CYTIP: variants seen among roughly 807,000 people sequenced by gnomAD.
The protein encoded by CYTIP is cytohesin-interacting protein.
Under a neutral mutation model 43.8 loss-of-function variants are expected in CYTIP, and 26 were observed. The observed-to-expected ratio is 0.59, with a 90% CI of 0.44 to 0.82. The LOEUF is 0.82. CYTIP is among the 40% of genes least tolerant of loss of function. The pLI is 0.00. For missense variants in CYTIP, 426 were observed against 443.1 expected (o/e 0.96, Z 0.35); for synonymous variants, 162 against 162.9 (o/e 0.99, Z 0.04).
At chr2:157,427,736 GT>G (rs1206239819) in intron 5 of CYTIP, among the ~76,000 whole-genome samples, 2 of 152,214 alleles carry the variant, frequency 1.3e-5, no homozygotes, top group African/African-American at 4.8e-5. Flanking sequence ...ACTAGAATCT[GT>G]TCTTGTGGGG....
At chr2:157,436,502 A>G (rs1018467495) in intron 1 of CYTIP, among the ~76,000 whole-genome samples, 9 of 152,156 alleles carry the variant, frequency 5.9e-5, no homozygotes, top group Non-Finnish European at 7.4e-5. Flanking sequence ...TTATACCTCT[A>G]TAAATAAGGG....
chr2:157,427,508 T>C, intron 5 of CYTIP, 88 bp from the exon 6 acceptor site: 4 of 940,754 alleles, frequency 4.3e-6, no homozygotes, highest in Non-Finnish European at 4.7e-6. Context: ...TACAGAGTAC[T>C]ACACTTTGAG....
intron 6 of CYTIP, among the ~76,000 whole-genome samples, chr2:157,420,358 A>G (rs1222433761): frequency 6.6e-6 from 1 of 152,126 alleles, no homozygotes; most frequent in Admixed American, 6.6e-5. Context: ...TCTACTAAAA[A>G]TACAAAAATT....
chr2:157,443,350 AT>A (rs1685945734), intron 1 of CYTIP, among the ~76,000 whole-genome samples: 1 of 152,266 alleles, frequency 6.6e-6, no homozygotes, highest in Middle Eastern at 3.4e-3. Flanking sequence ...AAAAAAAAAA[AT>A]CTTACTTTCC....
chr2:157,434,839 TCTCTCTCTCTCACA>T lies in CYTIP; in HGVS notation c.175-106_175-93del, dbSNP rs1218125526. Reference sequence around the variant, plus strand: ...CTCTCTCTCTCTCTCTCTCTCTCTCTCTCTCTCTCTCACACACACACACACACACACACACACAC... The same window carrying T: ...CTCTCTCTCTCTCTCTCTCTCTCTCTCACACACACACACACACACACACAC... On this transcript the variant is annotated intron_variant, in intron 1 of 7. Coordinates refer to ENST00000264192, the MANE Select transcript of CYTIP (RefSeq NM_004288.5). 92 of 470,950 alleles carry T rather than the reference TCTCTCTCTCTCACA, an allele frequency of 2.0e-4. No homozygotes were observed. In the African/African-American group the frequency reaches 2.0e-3, roughly 10 times the overall value. The allele number at this position is 470,950 out of a possible 1,614,324, so 29.2% of individuals were successfully genotyped here. A position where few individuals can be genotyped will look rare whatever the true frequency, so the allele number is the denominator to read the frequency against.
chr2:157,426,129 T>C (rs1685603559), intron 6 of CYTIP, among the ~76,000 whole-genome samples: 1 of 151,938 alleles, frequency 6.6e-6, no homozygotes, highest in Admixed American at 6.6e-5. Context: ...ATTAAAAGAT[T>C]AATATAGCAA....
intron 6 of CYTIP, 83 bp from the exon 7 acceptor site, chr2:157,418,672 A>T: frequency 7.7e-7 from 1 of 1,292,378 alleles, no homozygotes; most frequent in Non-Finnish European, 1.1e-6. Context: ...AGGTGTTGAG[A>T]TTTGTCATTA....
At position 157,422,442 on chromosome 2, in the gene CYTIP, C is replaced by T. The variant is rs559721791; in HGVS notation, c.547-3853G>A. Among the ~76,000 whole-genome samples, 6 of 152,102 alleles carry T rather than the reference C, an allele frequency of 3.9e-5. No homozygotes were observed. The East Asian group carries it at 9.6e-4, about 24-fold the overall frequency. On this transcript the variant is annotated intron_variant, in intron 6 of 7. Transcript: ENST00000264192. ...CAGCACTTTGGGAGGCCTAAGCGAGCGGATCACCTGAGGGCAGGAGTTCGC... is the reference window on the plus strand; with the variant it reads ...CAGCACTTTGGGAGGCCTAAGCGAGTGGATCACCTGAGGGCAGGAGTTCGC...
At chr2:157,420,968 A>C (rs1432303909) in intron 6 of CYTIP, among the ~76,000 whole-genome samples, 2 of 152,224 alleles carry the variant, frequency 1.3e-5, no homozygotes, top group Non-Finnish European at 2.9e-5. Flanking sequence ...ATATACAGTC[A>C]ATTTTTGGAA....
At chr2:157,420,759 G>C (rs1272720524) in intron 6 of CYTIP, among the ~76,000 whole-genome samples, 1 of 151,432 alleles carries the variant, frequency 6.6e-6, no homozygotes, top group African/African-American at 2.4e-5. Flanking sequence ...GACGTAGGGA[G>C]TATAAGGCTA....
chr2:157,443,028 G>A (rs1034652042), intron 1 of CYTIP, among the ~76,000 whole-genome samples: 5 of 152,046 alleles, frequency 3.3e-5, no homozygotes, highest in South Asian at 2.1e-4. Flanking sequence ...ATTGAAGAAC[G>A]AAAAAATCAA....
At chr2:157,438,617 C>T (rs142481298) in intron 1 of CYTIP, among the ~76,000 whole-genome samples, 9 of 152,026 alleles carry the variant, frequency 5.9e-5, no homozygotes, top group Middle Eastern at 3.4e-3. Context: ...GTACATTCCA[C>T]GTATCAAAAC....
At chr2:157,441,014 G>A (rs1685898951) in intron 1 of CYTIP, among the ~76,000 whole-genome samples, 1 of 152,008 alleles carries the variant, frequency 6.6e-6, no homozygotes, top group African/African-American at 2.4e-5. Flanking sequence ...ATCAGTACAG[G>A]TAGTGAGATA....
chr2:157,423,189 A>G (rs1326465487), intron 6 of CYTIP, among the ~76,000 whole-genome samples: 2 of 152,166 alleles, frequency 1.3e-5, no homozygotes, highest in East Asian at 1.9e-4. Flanking sequence ...CCGTAGATCA[A>G]TAAGGACAAA....
At position 157,434,762 on chromosome 2, in the gene CYTIP, A is replaced by C. The variant is rs780886578; in HGVS notation, c.175-15T>G. The C allele has an allele frequency of 2.4e-5, 38 of 1,607,578 alleles. No homozygotes were observed. Among genetic ancestry groups the C allele is most frequent in the Non-Finnish European group, 3.1e-5 (36 of 1,175,756 alleles). On this transcript the variant is annotated splice_polypyrimidine_tract_variant and intron_variant, in intron 1 of 7. Transcript: ENST00000264192. ...GTCAAAGCAAGCTGAAAAACACAAA[A>C]GACATATAGTTATCCCAGGGTCTTC...
At chr2:157,434,614 A>AGG (rs1447213958) in intron 2 of CYTIP, 84 bp downstream of exon 2, 85 of 1,003,978 alleles carry the variant, frequency 8.5e-5, no homozygotes, top group Non-Finnish European at 1.3e-4. Context: ...AGAGAGAGAG[A>AGG]GAGGAAGAGA....
chr2:157,436,853 T>A (rs962367810), intron 1 of CYTIP, among the ~76,000 whole-genome samples: 8 of 152,164 alleles, frequency 5.3e-5, no homozygotes, highest in African/African-American at 1.9e-4. Context: ...TCAGGAGAAA[T>A]ATGTAAAGAT....
At chr2:157,434,328 A>G (rs1317996665) in intron 3 of CYTIP, 42 bp downstream of exon 3, 1 of 1,506,182 alleles carries the variant, frequency 6.6e-7, no homozygotes, top group South Asian at 1.1e-5. Context: ...TACCGGTGCC[A>G]CTTTCTTCCT....
intron 1 of CYTIP, among the ~76,000 whole-genome samples, chr2:157,440,295 C>T (rs1383137926): frequency 2.0e-5 from 3 of 152,124 alleles, no homozygotes; most frequent in Non-Finnish European, 4.4e-5. Flanking sequence ...AATAATGGAG[C>T]TGAACTTAAT....
Sources: allele counts gnomAD v4.1 joint callset (sites outside exome capture counted in the v4.1 genomes callset), GRCh38; gene constraint gnomAD v4.1.1; transcripts MANE v1.5; gene names NCBI Gene and HGNC (gene_info 2026-07-23, HGNC 2026-07-21).